Variants in NDUFAF6 observed in about 807,000 individuals in gnomAD.
The protein encoded by NDUFAF6 is NADH dehydrogenase (ubiquinone) complex I, assembly factor 6.
Under a neutral mutation model 40.8 loss-of-function variants are expected in NDUFAF6, and 45 were observed. The observed-to-expected ratio is 1.10, with a 90% CI of 0.87 to 1.42. The LOEUF is 1.42. NDUFAF6 is among the 40% of genes most tolerant of loss of function. The pLI, the probability that NDUFAF6 is intolerant of heterozygous loss-of-function variation, is 0.00. For missense variants in NDUFAF6, 435 were observed against 418.5 expected, an observed-to-expected ratio of 1.04 and a Z score of -0.34; for synonymous variants, 185 against 155.9, an observed-to-expected ratio of 1.19 and a Z score of -1.39.
chr8:95,115,549 C>T (rs567124991), exon 5 of NDUFAF6: 31 of 150,190 alleles, frequency 2.1e-4, no homozygotes, highest in African/African-American at 7.4e-4. Flanking sequence ...TTGAAACTTT[C>T]TCCAGTTGAC....
At chr8:95,034,878 AG>A (rs935093242) in intron 2 of NDUFAF6, among the ~76,000 whole-genome samples, 3 of 150,376 alleles carry the variant, frequency 2.0e-5, no homozygotes, top group Admixed American at 2.0e-4. Context: ...GAACCTAAGA[AG>A]GCCATTTTTT....
chr8:94,939,557 G>A (rs946792621), intron 1 of NDUFAF6: 15 of 326,890 alleles, frequency 4.6e-5, no homozygotes, highest in Middle Eastern at 2.2e-3. Context: ...CACCACACCT[G>A]GCTAATTTTT....
intron 2 of NDUFAF6, chr8:94,950,626 T>TG (rs1822517509): frequency 6.6e-6 from 1 of 152,240 alleles, no homozygotes. Context: ...GACCTTATCT[T>TG]GGGAGAAAGA....
At chr8:94,906,326 G>C (rs569053980) in intron 1 of NDUFAF6, among the ~76,000 whole-genome samples, 20 of 152,284 alleles carry the variant, frequency 1.3e-4, no homozygotes, top group African/African-American at 4.8e-4. Flanking sequence ...TGTCCCTGCT[G>C]TTCCCATAAC....
intron 1 of NDUFAF6, among the ~76,000 whole-genome samples, chr8:94,901,288 G>A (rs532621): frequency 0.05 from 7,564 of 152,138 alleles, 249 homozygotes; most frequent in Middle Eastern, 0.065. Flanking sequence ...TATGTGAAGC[G>A]TAGACTCCAG....
chr8:94,985,457 A>T (rs1289998526), intron 2 of NDUFAF6, among the ~76,000 whole-genome samples: 7 of 126,972 alleles, frequency 5.5e-5, no homozygotes. Context: ...GTAGAAAAGA[A>T]AAACAATAAT....
intron 2 of NDUFAF6, among the ~76,000 whole-genome samples, chr8:94,946,611 C>T (rs973704124): frequency 2.7e-4 from 40 of 146,204 alleles, no homozygotes; most frequent in Non-Finnish European, 5.2e-4. Context: ...GTAGGAGGAT[C>T]GCTTGAGCCC....
chr8:95,080,487 G>GT, downstream of NDUFAF6, among the ~76,000 whole-genome samples: 1 of 142,134 alleles, frequency 7.0e-6, no homozygotes, highest in African/African-American at 2.6e-5. Flanking sequence ...TTTTTGTAGT[G>GT]ATTTTTGGTA....
At chr8:95,086,323 T>C (rs540599705) in intron 2 of NDUFAF6, among the ~76,000 whole-genome samples, 55 of 152,346 alleles carry the variant, frequency 3.6e-4, no homozygotes, top group Non-Finnish European at 6.3e-4. Context: ...CACTGTAACA[T>C]GCCACAATCC....
intron 2 of NDUFAF6, among the ~76,000 whole-genome samples, chr8:95,001,586 A>G (rs572094412): frequency 7.9e-5 from 12 of 152,324 alleles, no homozygotes; most frequent in East Asian, 3.9e-4. Context: ...CTAAGATTAT[A>G]TCATCACTTT....
intron 1 of NDUFAF6, among the ~76,000 whole-genome samples, chr8:94,969,534 A>C (rs541942184): frequency 3.9e-5 from 6 of 152,290 alleles, no homozygotes; most frequent in Admixed American, 1.3e-4. Flanking sequence ...CCAGTTACTC[A>C]AGAGGCTGAG....
upstream of NDUFAF6, chr8:95,024,903 C>T (rs1371350824): frequency 1.0e-6 from 1 of 1,002,876 alleles, no homozygotes; most frequent in African/African-American, 1.7e-5. Context: ...CGTCCAGAGG[C>T]TGCCTTCCCG....
downstream of NDUFAF6, among the ~76,000 whole-genome samples, chr8:95,079,262 A>T (rs1308919671): frequency 6.6e-6 from 1 of 152,108 alleles, no homozygotes; most frequent in African/African-American, 2.4e-5. Context: ...GAACCACTGT[A>T]CCTGGCCCTA....
At chr8:94,954,662 T>A (rs56756317), upstream of NDUFAF6, among the ~76,000 whole-genome samples, 1,474 of 121,502 alleles carry the variant, frequency 0.012, 34 homozygotes, top group African/African-American at 0.038. Flanking sequence ...TGCAAAGGCC[T>A]GAGGTAGAAG....
intron 1 of NDUFAF6, among the ~76,000 whole-genome samples, chr8:94,968,476 T>C (rs1824198945): frequency 6.6e-6 from 1 of 152,214 alleles, no homozygotes; most frequent in Admixed American, 6.5e-5. Context: ...CATGTGGGCA[T>C]CTGTGGAAGA....
chr8:94,942,316 A>G (rs1586743269), intron 1 of NDUFAF6, among the ~76,000 whole-genome samples: 1 of 152,106 alleles, frequency 6.6e-6, no homozygotes, highest in South Asian at 2.1e-4. Context: ...CTAGGATTAC[A>G]GGCGTGAGCT....
rs573428389 is a variant in NDUFAF6, at chr8:95,082,631, TTTTGTTTG to T, written n.213+6895_213+6902del. Among the ~76,000 whole-genome samples the T allele has an allele frequency of 3.8e-4, 51 of 135,284 alleles. 1 individual carries two copies. In the South Asian group the frequency reaches 5.8e-3, roughly 15 times the overall value. 88.8% of individuals were successfully genotyped at this position (135,284 alleles called of 152,430 possible). Reference sequence around the variant, plus strand: ...ATGTTCATGTGTTCCTTAGCATTCTTTTTGTTTGTTTGTTTGTTTGTTTTGTTTTGTTT... The same window carrying T: ...ATGTTCATGTGTTCCTTAGCATTCTTTTTGTTTGTTTGTTTTGTTTTGTTT... On this transcript the variant is annotated intron_variant and non_coding_transcript_variant, in intron 2 of 5. Transcript: ENST00000523184.
At chr8:94,939,962 A>G (rs867673040) in intron 1 of NDUFAF6, 21 of 1,614,052 alleles carry the variant, frequency 1.3e-5, no homozygotes, top group Non-Finnish European at 1.5e-5. Flanking sequence ...GGGATGTTCA[A>G]TGAGAAGGTT....
upstream of NDUFAF6, among the ~76,000 whole-genome samples, chr8:95,024,595 C>T (rs1209065147): frequency 6.6e-6 from 1 of 152,264 alleles, no homozygotes; most frequent in African/African-American, 2.4e-5. Context: ...AGCGCTATTG[C>T]GCCCAAAGTG....
Sources: allele counts gnomAD v4.1 joint callset (sites outside exome capture counted in the v4.1 genomes callset), GRCh38; gene constraint gnomAD v4.1.1; transcripts MANE v1.5; gene names NCBI Gene and HGNC (gene_info 2026-07-23, HGNC 2026-07-21).